ATXN7L1: variants seen among roughly 807,000 people sequenced by gnomAD.
ATXN7L1 encodes the protein ataxin-7-like protein 1.
ATXN7L1 carries 15 observed loss-of-function variants against 70.8 expected under a neutral mutation model. That is an observed-to-expected ratio of 0.21 (90% CI 0.14 to 0.33). The LOEUF (loss-of-function observed/expected upper bound fraction) is 0.33. Among genes scored for constraint, ATXN7L1 ranks in the 10% least tolerant of loss-of-function variants. ATXN7L1 has a pLI of 1.00. For missense variants in ATXN7L1, 975 were observed against 1,097.1 expected (o/e 0.89, Z 1.57); for synonymous variants, 440 against 445.1 (o/e 0.99, Z 0.14).
chr7:105,621,745 A>G (rs1177364411), intron 8 of ATXN7L1, among the ~76,000 whole-genome samples: 1 of 152,176 alleles, frequency 6.6e-6, no homozygotes, highest in Non-Finnish European at 1.5e-5. Context: ...CCCTTCCTCC[A>G]GGCCTCCCAG....
At chr7:105,858,860 C>A (rs1816122587) in intron 2 of ATXN7L1, among the ~76,000 whole-genome samples, 1 of 151,592 alleles carries the variant, frequency 6.6e-6, no homozygotes, top group African/African-American at 2.4e-5. Flanking sequence ...TTTTAAATGG[C>A]AATGTTTTAT....
At chr7:105,849,881 T>G (rs1347534970) in intron 2 of ATXN7L1, among the ~76,000 whole-genome samples, 1 of 152,266 alleles carries the variant, frequency 6.6e-6, no homozygotes, top group East Asian at 1.9e-4. Context: ...CTTCTGAGGC[T>G]ACCACAAGAG....
intron 2 of ATXN7L1, among the ~76,000 whole-genome samples, chr7:105,800,811 A>T (rs1260675633): frequency 7.2e-5 from 11 of 152,234 alleles, no homozygotes; most frequent in Non-Finnish European, 1.6e-4. Flanking sequence ...TGCTGCTAGG[A>T]TTAAATGAGA....
chr7:105,754,163 T>C (rs1246854774), intron 3 of ATXN7L1, among the ~76,000 whole-genome samples: 1 of 152,180 alleles, frequency 6.6e-6, no homozygotes, highest in Non-Finnish European at 1.5e-5. Context: ...TCTATACTGG[T>C]TGATTTTCCT....
chr7:105,875,039 C>T (rs1377106702), intron 2 of ATXN7L1: 4 of 152,530 alleles, frequency 2.6e-5, no homozygotes, highest in East Asian at 1.9e-4. Flanking sequence ...AAGTGGCCCC[C>T]GGAGTTGCTC....
intron 7 of ATXN7L1, among the ~76,000 whole-genome samples, chr7:105,626,776 C>A (rs990601201): frequency 1.3e-4 from 20 of 152,082 alleles, no homozygotes; most frequent in South Asian, 4.2e-4. Context: ...AGAAAAAAAA[C>A]CAGTATCCAT....
chr7:105,639,938 A>G (rs1797930610), intron 5 of ATXN7L1, among the ~76,000 whole-genome samples: 1 of 152,180 alleles, frequency 6.6e-6, no homozygotes, highest in Non-Finnish European at 1.5e-5. Context: ...GGTCCTTGGC[A>G]TTTGGGCATA....
intron 2 of ATXN7L1, among the ~76,000 whole-genome samples, chr7:105,845,231 A>G (rs2116618084): frequency 6.7e-6 from 1 of 148,242 alleles, no homozygotes; most frequent in East Asian, 2.1e-4. Flanking sequence ...AAAAAAAAAA[A>G]ATCAGTTCAG....
At chr7:105,828,775 G>T (rs1811205048) in intron 2 of ATXN7L1, among the ~76,000 whole-genome samples, 4 of 152,148 alleles carry the variant, frequency 2.6e-5, no homozygotes. Flanking sequence ...AGAAAGAACT[G>T]GTGGGAGAAA....
At chr7:105,736,277 T>C (rs1302044575) in intron 3 of ATXN7L1, among the ~76,000 whole-genome samples, 2 of 152,194 alleles carry the variant, frequency 1.3e-5, no homozygotes, top group East Asian at 3.8e-4. Flanking sequence ...TGTGCACACA[T>C]TGCTATTTAA....
intron 2 of ATXN7L1, among the ~76,000 whole-genome samples, chr7:105,864,330 C>T (rs1026949045): frequency 6.6e-6 from 1 of 151,672 alleles, no homozygotes; most frequent in African/African-American, 2.4e-5. Flanking sequence ...TGGCAGCACA[C>T]GCCTGTAGTC....
At position 105,692,444 on chromosome 7, in the gene ATXN7L1, C is replaced by CCCTG. The variant is rs1563010073; in HGVS notation, c.356-27157_356-27156insCAGG. 9.1e-5 allele frequency among the ~76,000 whole-genome samples: 8 copies of CCCTG among 88,164 alleles called. 1 individual carries two copies. The East Asian group carries it at 3.8e-3, about 42-fold the overall frequency. 57.8% of individuals were successfully genotyped at this position (88,164 alleles called of 152,430 possible). A position where few individuals can be genotyped will look rare whatever the true frequency, so the allele number is the denominator to read the frequency against. On this transcript the variant is annotated intron_variant, in intron 3 of 11. Transcript: ENST00000419735. ...TTCCTTCCTCCCTCCCTCCCTCCCT[C>CCCTG]CCTTCCTTCCTTCTTTTTTTGAGAT...
At chr7:105,752,559 CAG>C (rs746584255) in intron 3 of ATXN7L1, among the ~76,000 whole-genome samples, 1 of 152,196 alleles carries the variant, frequency 6.6e-6, no homozygotes, top group Admixed American at 6.5e-5. Flanking sequence ...TGGAACTATG[CAG>C]AGTGTTAGCT....
At chr7:105,641,179 C>T (rs1404847286) in intron 5 of ATXN7L1, among the ~76,000 whole-genome samples, 1 of 97,156 alleles carries the variant, frequency 1.0e-5, no homozygotes, top group Admixed American at 1.1e-4. Context: ...CCTTTTTTTG[C>T]TTTTTGTCTG....
At chr7:105,817,460 T>C (rs1809356481) in intron 2 of ATXN7L1, among the ~76,000 whole-genome samples, 1 of 152,362 alleles carries the variant, frequency 6.6e-6, no homozygotes, top group South Asian at 2.1e-4. Context: ...TTAGGACACA[T>C]ACACTGAAGT....
chr7:105,669,635 T>C (rs1803212847), intron 3 of ATXN7L1, among the ~76,000 whole-genome samples: 1 of 151,964 alleles, frequency 6.6e-6, no homozygotes, highest in Non-Finnish European at 1.5e-5. Context: ...CATATAAGAA[T>C]TTAAAGGCCC....
chr7:105,654,070 C>T (rs926315133), intron 4 of ATXN7L1, among the ~76,000 whole-genome samples: 8 of 152,186 alleles, frequency 5.3e-5, no homozygotes, highest in South Asian at 2.1e-4. Flanking sequence ...GTATACATGT[C>T]GCTCTGGAAT....
rs144776603 is a variant in ATXN7L1 at position 105,613,916 on chromosome 7, C to T, written c.2418G>A (p.Pro806=). Residue 806 remains proline, a synonymous_variant, in exon 10 of 12, where the codon CCG becomes CCA. Coordinates refer to ENST00000419735, the MANE Select transcript of ATXN7L1 (RefSeq NM_020725.2). ...CGGGCACCGGTGCGAGAAGGCTGGG[C>T]GGGTTCTTTTTGTGAACGCTATTCA... ...PGMNSVHKKN[P]PSLLAPVPDP... is the part of the protein sequence containing the mutation. The T allele has an allele frequency of 4.3e-4, 671 of 1,552,090 alleles. 7 individuals are homozygous for T. In the Admixed American group the frequency reaches 9.3e-3, roughly 22 times the overall value.
intron 2 of ATXN7L1, among the ~76,000 whole-genome samples, chr7:105,856,708 T>C (rs1488925496): frequency 6.6e-6 from 1 of 152,176 alleles, no homozygotes; most frequent in Non-Finnish European, 1.5e-5. Flanking sequence ...CTTTTTTAGA[T>C]AGCAGATTGT....
Sources: allele counts gnomAD v4.1 joint callset (sites outside exome capture counted in the v4.1 genomes callset), GRCh38; gene constraint gnomAD v4.1.1; transcripts MANE v1.5; gene names NCBI Gene and HGNC (gene_info 2026-07-23, HGNC 2026-07-21).